The following PIAS1 variants were observed in gnomAD, a reference collection of about 807,000 sequenced individuals.
PIAS1 encodes protein inhibitor of activated STAT 1, also known as E3 SUMO-protein ligase PIAS1.
A neutral mutation model predicts 71.3 loss-of-function variants in PIAS1; 6 were observed. The ratio of observed to expected loss-of-function variants is 0.08; its 90% CI spans 0.05 to 0.17. The LOEUF is 0.17. PIAS1 is among the 10% of genes least tolerant of loss of function. The probability of loss-of-function intolerance (pLI) is 1.00; values close to 1 mark genes in which losing one functional copy is unlikely to be tolerated. For missense variants in PIAS1, 555 were observed against 793.6 expected (o/e 0.70, Z 3.61); for synonymous variants, 303 against 292.9 (o/e 1.03, Z -0.35).
At position 68,086,498 on chromosome 15, in the gene PIAS1, G is replaced by A. The variant is rs2092282872; in HGVS notation, c.217G>A (p.Ala73Thr). The A allele has an allele frequency of 6.2e-7, 1 of 1,613,840 alleles. No homozygotes were observed. The highest frequency in any genetic ancestry group is 2.2e-5 in the East Asian group (1 of 44,886). Residue 73 changes from alanine to threonine, a missense_variant, in exon 2 of 14, where the codon GCA (alanine) becomes ACA (threonine). Transcript: ENST00000249636. This position sits in a 1 kb window ranked among gnomAD's most constrained non-coding sequence, Gnocchi z 7.2. ...GTTCCCACAGAAAATCATGACGCCTGCAGACTTGTCCATCCCCAACGTACA... is the reference window on the plus strand; with the variant it reads ...GTTCCCACAGAAAATCATGACGCCTACAGACTTGTCCATCCCCAACGTACA... ...RRFPQKIMTP[A>T]DLSIPNVHSS... is the part of the protein sequence containing the mutation.
At chr15:68,056,176 G>T (rs2091893870) in intron 1 of PIAS1, among the ~76,000 whole-genome samples, 2 of 152,324 alleles carry the variant, frequency 1.3e-5, no homozygotes, top group African/African-American at 4.8e-5. Flanking sequence ...TATTTATTTT[G>T]TTAGGAGTTC....
chr15:68,076,982 A>G (rs2092173245), intron 1 of PIAS1, among the ~76,000 whole-genome samples: 1 of 152,190 alleles, frequency 6.6e-6, no homozygotes, highest in Non-Finnish European at 1.5e-5. Context: ...AAAGGCTGGA[A>G]TGAAGAGCTG....
At chr15:68,113,139 G>A (rs2141011764) in intron 2 of PIAS1, among the ~76,000 whole-genome samples, 1 of 152,234 alleles carries the variant, frequency 6.6e-6, no homozygotes, top group South Asian at 2.1e-4. Context: ...TATGTTTTAA[G>A]AAGTGTATTC....
At chr15:68,172,413 T>C (rs1277821129) in intron 8 of PIAS1, among the ~76,000 whole-genome samples, 1 of 152,230 alleles carries the variant, frequency 6.6e-6, no homozygotes, top group Non-Finnish European at 1.5e-5. Flanking sequence ...TGATTTATAA[T>C]AATCCTTTGG....
chr15:68,084,037 C>T (rs2092255594), intron 1 of PIAS1, among the ~76,000 whole-genome samples: 1 of 152,024 alleles, frequency 6.6e-6, no homozygotes, highest in Admixed American at 6.6e-5. Context: ...TTTTTTGGAC[C>T]ATCAAGCAAG....
At chr15:68,156,350 T>G (rs192054891) in intron 7 of PIAS1, among the ~76,000 whole-genome samples, 4 of 152,270 alleles carry the variant, frequency 2.6e-5, no homozygotes, top group Admixed American at 2.0e-4. Context: ...GAGGAGAAGT[T>G]AAGCTCCAAG....
chr15:68,144,571 G>C (rs2092794909), intron 4 of PIAS1, among the ~76,000 whole-genome samples: 1 of 152,006 alleles, frequency 6.6e-6, no homozygotes, highest in Non-Finnish European at 1.5e-5. Flanking sequence ...GTTTTAAATT[G>C]ATCACTGCAT....
chr15:68,181,606 C>T, intron 12 of PIAS1: 1 of 354,602 alleles, frequency 2.8e-6, no homozygotes, highest in East Asian at 5.2e-5. Flanking sequence ...TTGTGAGCTC[C>T]TGAGTACTCT....
intron 2 of PIAS1, among the ~76,000 whole-genome samples, chr15:68,098,240 A>G (rs566370372): frequency 6.6e-6 from 1 of 152,322 alleles, no homozygotes; most frequent in South Asian, 2.1e-4. Flanking sequence ...GTTGATTAAC[A>G]CGTATTTTGT....
intron 7 of PIAS1, among the ~76,000 whole-genome samples, chr15:68,155,999 C>T (rs1282322912): frequency 1.3e-5 from 2 of 152,228 alleles, no homozygotes; most frequent in East Asian, 1.9e-4. Context: ...AGCTTATCTA[C>T]ATTTGTGCCC....
At chr15:68,092,282 C>T (rs935406354) in intron 2 of PIAS1, among the ~76,000 whole-genome samples, 2 of 152,062 alleles carry the variant, frequency 1.3e-5, no homozygotes, top group African/African-American at 2.4e-5. Flanking sequence ...AAGCGATCCT[C>T]CCACCTCGCC....
rs769123144 is a variant in PIAS1 at position 68,176,541 on chromosome 15, A to G, written c.1368A>G (p.Lys456=). Residue 456 remains lysine, a synonymous_variant, in exon 11 of 14, where the codon AAA becomes AAG. Coordinates refer to ENST00000249636, the MANE Select transcript of PIAS1 (RefSeq NM_016166.3). The part of the protein sequence containing the change: ...SHHQSSNKNK[K]VEVIDLTIDS... ...ACCAGTCCTCAAATAAAAACAAGAAAGTAGAAGTGATTGACCTAACCATAG... is the reference window on the plus strand; with the variant it reads ...ACCAGTCCTCAAATAAAAACAAGAAGGTAGAAGTGATTGACCTAACCATAG... The G allele has an allele frequency of 3.7e-6, 6 of 1,613,016 alleles. No individual in the cohort carries two copies. In the South Asian group the frequency reaches 6.6e-5, roughly 18 times the overall value.
At chr15:68,055,406 C>T (rs556702306) in intron 1 of PIAS1, among the ~76,000 whole-genome samples, 8 of 152,166 alleles carry the variant, frequency 5.3e-5, no homozygotes, top group African/African-American at 1.9e-4. Flanking sequence ...AAAGGGTGCC[C>T]CCTTTTCCCC....
At chr15:68,069,574 G>A (rs985398496) in intron 1 of PIAS1, among the ~76,000 whole-genome samples, 1 of 152,134 alleles carries the variant, frequency 6.6e-6, no homozygotes, top group East Asian at 1.9e-4. Context: ...AGGCTGAGGC[G>A]GGCGGATGAC....
chr15:68,134,500 C>G lies in PIAS1; in HGVS notation c.470-7446C>G, dbSNP rs1409335780. On this transcript the variant is annotated intron_variant, in intron 2 of 13. Coordinates refer to ENST00000249636, the MANE Select transcript of PIAS1 (RefSeq NM_016166.3). ...CTGGCCGGGCGGGGGGCTGACCCCCCCCACTGCCCTCCCGGACGGGGCGGC... is the reference window on the plus strand; with the variant it reads ...CTGGCCGGGCGGGGGGCTGACCCCCGCCACTGCCCTCCCGGACGGGGCGGC... Among the ~76,000 whole-genome samples, 5 of 51,324 alleles carry G rather than the reference C, an allele frequency of 9.7e-5. 1 individual carries two copies. The highest frequency in any genetic ancestry group is 2.0e-4 in the African/African-American group (5 of 24,522). The allele number at this position is 51,324 out of a possible 152,430, so 33.7% of individuals were successfully genotyped here. A position where few individuals can be genotyped will look rare whatever the true frequency, so the allele number is the denominator to read the frequency against.
At chr15:68,113,171 A>G (rs983136023) in intron 2 of PIAS1, among the ~76,000 whole-genome samples, 1 of 152,170 alleles carries the variant, frequency 6.6e-6, no homozygotes, top group African/African-American at 2.4e-5. Flanking sequence ...TGTGGGGAAC[A>G]AAGTATATTA....
intron 1 of PIAS1, among the ~76,000 whole-genome samples, chr15:68,056,528 C>G (rs1309933191): frequency 1.3e-5 from 2 of 149,196 alleles, no homozygotes; most frequent in African/African-American, 2.5e-5. Context: ...TTTTTTTTTT[C>G]TACTCTTATG....
chr15:68,101,017 G>A (rs866938390), intron 2 of PIAS1, among the ~76,000 whole-genome samples: 1 of 151,594 alleles, frequency 6.6e-6, no homozygotes, highest in Non-Finnish European at 1.5e-5. Context: ...CGCCTCTCAA[G>A]CCTCCCAGGT....
At chr15:68,159,439 T>C (rs565331937) in intron 7 of PIAS1, among the ~76,000 whole-genome samples, 3 of 152,126 alleles carry the variant, frequency 2.0e-5, no homozygotes, top group Non-Finnish European at 4.4e-5. Context: ...AATCAAAATA[T>C]AGAACATCCT....
Sources: allele counts gnomAD v4.1 joint callset (sites outside exome capture counted in the v4.1 genomes callset), GRCh38; gene constraint gnomAD v4.1.1; non-coding constraint Gnocchi (gnomAD v3.1); transcripts MANE v1.5; gene names NCBI Gene and HGNC (gene_info 2026-07-23, HGNC 2026-07-21).